BCKDHB: variants seen among roughly 807,000 people sequenced by gnomAD.
BCKDHB encodes the protein branched chain keto acid dehydrogenase E1 subunit beta.
A neutral mutation model predicts 48.5 loss-of-function variants in BCKDHB; 41 were observed. The observed-to-expected ratio is 0.85, with a 90% CI of 0.66 to 1.10. BCKDHB has a LOEUF of 1.10. BCKDHB is among the 50% of genes least tolerant of loss of function. The pLI is 0.00. For missense variants in BCKDHB, 496 were observed against 494.2 expected, an observed-to-expected ratio of 1.00 and a Z score of -0.03; for synonymous variants, 201 against 174.8, an observed-to-expected ratio of 1.15 and a Z score of -1.18.
chr6:80,428,741 G>GT, the BCKDHB span, among the ~76,000 whole-genome samples: 9 of 151,866 alleles, frequency 5.9e-5, no homozygotes, highest in African/African-American at 2.2e-4. Flanking sequence ...TTGTAAATTT[G>GT]TTTAAGTTCT....
intron 8 of BCKDHB, among the ~76,000 whole-genome samples, chr6:80,250,965 T>C (rs1425061141): frequency 6.6e-6 from 1 of 152,190 alleles, no homozygotes; most frequent in African/African-American, 2.4e-5. Flanking sequence ...ACAGATTGTT[T>C]ATTGGCTCAG....
intron 3 of BCKDHB, among the ~76,000 whole-genome samples, chr6:80,144,324 G>A (rs1771366272): frequency 6.6e-6 from 1 of 152,094 alleles, no homozygotes; most frequent in African/African-American, 2.4e-5. Context: ...TTTTTCTTTT[G>A]TCAAATAAAG....
intron 9 of BCKDHB, among the ~76,000 whole-genome samples, chr6:80,285,633 A>G (rs539467494): frequency 3.3e-5 from 5 of 152,252 alleles, no homozygotes; most frequent in East Asian, 1.9e-4. Context: ...AGTGTCCTCC[A>G]TGCCAGTCTT....
rs150088509 is a variant in BCKDHB, at chr6:80,143,265, T to A, written c.343+14036T>A. Among the ~76,000 whole-genome samples the A allele has an allele frequency of 1.7e-3, 265 of 152,262 alleles. 1 individual carries two copies. The highest frequency in any genetic ancestry group is 6.0e-3 in the African/African-American group (251 of 41,566). ...CATTGAGTTGATATTGTCACTTACC[T>A]GAAGTCACTTAACTGTCTCAGGAAG... On this transcript the variant is annotated intron_variant, in intron 3 of 9. Coordinates refer to ENST00000320393, the MANE Select transcript of BCKDHB (RefSeq NM_183050.4).
At chr6:80,146,964 C>T (rs1255179230) in intron 3 of BCKDHB, among the ~76,000 whole-genome samples, 4 of 152,090 alleles carry the variant, frequency 2.6e-5, no homozygotes, top group Non-Finnish European at 1.5e-5. Flanking sequence ...AGAATAAATA[C>T]TGGGGGACAA....
chr6:80,198,964 G>C (rs754302647), intron 6 of BCKDHB, among the ~76,000 whole-genome samples: 1 of 152,182 alleles, frequency 6.6e-6, no homozygotes, highest in Non-Finnish European at 1.5e-5. Context: ...GCAACTGTCA[G>C]TCTGAATCCT....
At chr6:80,375,380 G>A in the BCKDHB span, among the ~76,000 whole-genome samples, 17 of 152,062 alleles carry the variant, frequency 1.1e-4, no homozygotes, top group African/African-American at 3.9e-4. Flanking sequence ...GTCAGATCGG[G>A]TTAATTTGAA....
chr6:80,169,099 T>C (rs1445333334), intron 5 of BCKDHB, 69 bp downstream of exon 5: 1 of 1,549,396 alleles, frequency 6.5e-7, no homozygotes, highest in African/African-American at 1.4e-5. Context: ...CTATTTAATA[T>C]CTATGCTTAT....
At chr6:80,387,119 C>T in the BCKDHB span, among the ~76,000 whole-genome samples, 5 of 152,138 alleles carry the variant, frequency 3.3e-5, no homozygotes, top group Admixed American at 2.0e-4. Flanking sequence ...TCATTGTGGT[C>T]CTCCAGTTAA....
chr6:80,386,023 T>TTCTA, the BCKDHB span, among the ~76,000 whole-genome samples: 1 of 152,176 alleles, frequency 6.6e-6, no homozygotes, highest in African/African-American at 2.4e-5. Flanking sequence ...GAGCTAGAAA[T>TTCTA]GCCTGATCTC....
chr6:80,436,151 T>TC, the BCKDHB span, among the ~76,000 whole-genome samples: 6 of 97,128 alleles, frequency 6.2e-5, no homozygotes, highest in South Asian at 1.7e-3. Context: ...TCTTTTCTTT[T>TC]TTTTTTTTTT....
At chr6:80,216,476 G>A (rs938704895) in intron 8 of BCKDHB, among the ~76,000 whole-genome samples, 1 of 151,982 alleles carries the variant, frequency 6.6e-6, no homozygotes, top group African/African-American at 2.4e-5. Flanking sequence ...ACATGGAACT[G>A]GAGAAAGCAA....
At position 80,327,635 on chromosome 6, in the gene BCKDHB, C is replaced by T. The variant is rs113466181; in HGVS notation, c.1039-16029C>T. Among the ~76,000 whole-genome samples the T allele has an allele frequency of 9.2e-3, 1,401 of 152,228 alleles. 12 individuals are homozygous for T. The highest frequency in any genetic ancestry group is 0.027 in the Middle Eastern group (8 of 294). ...TTTATTACAAAATAAATAGTGTTTTCTCTGCCCTCTCTGTACCTCGTATTT... is the reference window on the plus strand; with the variant it reads ...TTTATTACAAAATAAATAGTGTTTTTTCTGCCCTCTCTGTACCTCGTATTT... On this transcript the variant is annotated intron_variant, in intron 9 of 9. Transcript: ENST00000320393.
At chr6:80,426,848 T>A in the BCKDHB span, among the ~76,000 whole-genome samples, 1 of 152,132 alleles carries the variant, frequency 6.6e-6, no homozygotes, top group Non-Finnish European at 1.5e-5. Flanking sequence ...TGGTTGATAG[T>A]GTTGTCCACA....
intron 9 of BCKDHB, among the ~76,000 whole-genome samples, chr6:80,306,553 G>A (rs1767885811): frequency 1.3e-5 from 2 of 152,132 alleles, no homozygotes; most frequent in Non-Finnish European, 2.9e-5. Flanking sequence ...AAACATATAA[G>A]CCAGCCATTC....
chr6:80,451,520 T>C, the BCKDHB span, among the ~76,000 whole-genome samples: 1 of 151,996 alleles, frequency 6.6e-6, no homozygotes, highest in Non-Finnish European at 1.5e-5. Flanking sequence ...GGTGGACCAC[T>C]TGAGGCCGAG....
At chr6:80,436,558 A>G in the BCKDHB span, among the ~76,000 whole-genome samples, 5 of 152,056 alleles carry the variant, frequency 3.3e-5, no homozygotes, top group Admixed American at 2.6e-4. Flanking sequence ...GTCCCTTTCC[A>G]TGTTTAGAAA....
intron 3 of BCKDHB, chr6:80,136,024 T>C (rs927541624): frequency 6.6e-6 from 1 of 152,212 alleles, no homozygotes; most frequent in Non-Finnish European, 1.5e-5. Flanking sequence ...CTGCATAATA[T>C]TGTGTTGTAT....
chr6:80,319,926 C>A lies in BCKDHB; in HGVS notation c.1039-23738C>A, dbSNP rs140160957. On this transcript the variant is annotated intron_variant, in intron 9 of 9. Coordinates refer to ENST00000320393, the MANE Select transcript of BCKDHB (RefSeq NM_183050.4). Reference sequence around the variant, plus strand: ...CCACATGTTAGATCTGCTTAGAAATCTTCAGTGAAATAGGAAACATTGTAT... The same window carrying A: ...CCACATGTTAGATCTGCTTAGAAATATTCAGTGAAATAGGAAACATTGTAT... 1.4e-4 allele frequency among the ~76,000 whole-genome samples: 21 copies of A among 152,196 alleles called. No homozygotes were observed. In the East Asian group the frequency reaches 3.9e-3, roughly 28 times the overall value.
Sources: allele counts gnomAD v4.1 joint callset (sites outside exome capture counted in the v4.1 genomes callset), GRCh38; gene constraint gnomAD v4.1.1; transcripts MANE v1.5; gene names NCBI Gene and HGNC (gene_info 2026-07-23, HGNC 2026-07-21).